Variants in HERC2 observed in about 807,000 individuals in gnomAD.
HERC2 encodes the protein HECT and RLD domain containing E3 ubiquitin protein ligase 2, also known as E3 ubiquitin-protein ligase HERC2.
In HERC2, 102 loss-of-function variants were observed where a neutral mutation model predicts 537.7. That is an observed-to-expected ratio of 0.19 (90% CI 0.16 to 0.22). The LOEUF is 0.22. HERC2 is among the 10% of genes least tolerant of loss of function. HERC2 has a pLI of 1.00. For missense variants in HERC2, 4,236 were observed against 6,198.2 expected, an observed-to-expected ratio of 0.68 and a Z score of 10.63; for synonymous variants, 2,224 against 2,466.2, an observed-to-expected ratio of 0.90 and a Z score of 2.91.
intron 26 of HERC2, 97 bp downstream of exon 26, chr15:28,236,866 G>C: frequency 1.1e-6 from 1 of 899,950 alleles, no homozygotes; most frequent in Non-Finnish European, 1.8e-6. Context: ...GGGATTACAG[G>C]CATGAACCAC....
Position 28,265,686 on chromosome 15 carries a change from T to G in HERC2, c.1802A>C (p.Lys601Thr), listed in dbSNP as rs764734065. Residue 601 changes from lysine to threonine, a missense_variant, in exon 14 of 93, where the codon AAA becomes ACA. By Grantham distance (78) the Lys-to-Thr change is moderately conservative. Coordinates refer to ENST00000261609, the MANE Select transcript of HERC2 (RefSeq NM_004667.6). The surrounding 1 kb of genome is among the most constrained non-coding windows in gnomAD (Gnocchi z 4.0). ...CGCCACATCGATGACCTTCAGTCCT[T>G]TAAGCCCGGCTACCAGCATCGGAAT... ...EAIPMLVAGL[K>T]GLKVIDVACG... 6.2e-7 allele frequency: 1 copy of G among 1,614,176 alleles called. No individual in the cohort carries two copies. Among genetic ancestry groups the G allele is most frequent in the Non-Finnish European group, 8.5e-7 (1 of 1,180,026 alleles).
chr15:28,244,503 A>G (rs757066571), intron 23 of HERC2, among the ~76,000 whole-genome samples: 2 of 152,166 alleles, frequency 1.3e-5, no homozygotes, highest in Admixed American at 1.3e-4. Context: ...GGGTCCTGCC[A>G]CCATCCAGGC....
rs538145487 is a variant in HERC2 at position 28,143,314 on chromosome 15, A to C, written c.11419-362T>G. Among the ~76,000 whole-genome samples the C allele has an allele frequency of 3.0e-3, 453 of 152,318 alleles. 2 individuals are homozygous for C. The highest frequency in any genetic ancestry group is 0.01 in the African/African-American group (429 of 41,566). On this transcript the variant is annotated intron_variant, in intron 74 of 92. Transcript: ENST00000261609. ...GAGGCCAATCAGTTAGCCTCATTGT[A>C]AAGTCCAATCAACACAATCCTATGT...
intron 69 of HERC2, among the ~76,000 whole-genome samples, chr15:28,153,760 A>G (rs1566949664): frequency 1.3e-5 from 2 of 152,254 alleles, no homozygotes; most frequent in Non-Finnish European, 2.9e-5. Context: ...TTCATTTTAC[A>G]CCAAGACAAG....
At position 28,218,589 on chromosome 15, in the gene HERC2, C is replaced by T. The variant is rs763952916; in HGVS notation, c.5928G>A (p.Leu1976=). 2 of 1,597,454 alleles carry T rather than the reference C, an allele frequency of 1.3e-6. No individual in the cohort carries two copies. The highest frequency in any genetic ancestry group is 1.7e-6 in the Non-Finnish European group (2 of 1,179,038). The part of the protein sequence containing the change: ...STINLLQTLC[L]SAGVHAEIMQ... ...TGATCTCAGCATGAACTCCAGCAGA[C>T]AGACAAAGAGTCTGCAGTAAGTTAA... Residue 1976 remains leucine (L), a synonymous_variant, in exon 38 of 93, where the codon CTG becomes CTA. Coordinates refer to ENST00000261609, the MANE Select transcript of HERC2 (RefSeq NM_004667.6).
chr15:28,240,997 G>C (rs2140738493), intron 23 of HERC2, among the ~76,000 whole-genome samples: 1 of 152,168 alleles, frequency 6.6e-6, no homozygotes, highest in East Asian at 1.9e-4. Context: ...GACGTGTCTT[G>C]AATAGGACAC....
At chr15:28,303,170 G>A (rs1487178694) in intron 2 of HERC2, among the ~76,000 whole-genome samples, 1 of 152,146 alleles carries the variant, frequency 6.6e-6, no homozygotes, top group East Asian at 1.9e-4. Flanking sequence ...CCATTTTGAT[G>A]TGATTTTCGT....
chr15:28,275,396 G>A (rs1320825601), intron 5 of HERC2, among the ~76,000 whole-genome samples: 1 of 152,220 alleles, frequency 6.6e-6, no homozygotes. Flanking sequence ...GCCGCAGAGG[G>A]TAGCCTGGCT....
chr15:28,301,616 C>G (rs1440612139), intron 2 of HERC2, among the ~76,000 whole-genome samples: 1 of 141,942 alleles, frequency 7.0e-6, no homozygotes, highest in African/African-American at 2.6e-5. Flanking sequence ...GCGTATGCGA[C>G]AGAAGCTCCC....
chr15:28,165,843 T>TAC lies in HERC2; in HGVS notation c.10554+1842_10554+1843dup, dbSNP rs1298485974. On this transcript the variant is annotated intron_variant, in intron 68 of 92. Coordinates refer to ENST00000261609, the MANE Select transcript of HERC2 (RefSeq NM_004667.6). ...AAACTGATGTATGTACCTATTATGT[T>TAC]ACACACACACATATTCATTCTCTAG... is the stretch of plus-strand genomic sequence containing the variant. 2.6e-5 allele frequency among the ~76,000 whole-genome samples: 4 copies of TAC among 151,998 alleles called. No individual in the cohort carries two copies. The East Asian group carries it at 5.8e-4, about 22-fold the overall frequency.
chr15:28,162,181 T>G (rs186338370), intron 69 of HERC2, among the ~76,000 whole-genome samples: 162 of 152,042 alleles, frequency 1.1e-3, no homozygotes, highest in African/African-American at 3.8e-3. Flanking sequence ...AATACAAAAA[T>G]TAGCCAGGCA....
chr15:28,141,861 T>G lies in HERC2; in HGVS notation c.11701-15A>C, dbSNP rs768182300. ...TTCTTAGCCACCTAAACAAAATTAT[T>G]ATGATGTTACAAATCAAACACTTAT... is the stretch of plus-strand genomic sequence containing the variant. On this transcript the variant is annotated splice_polypyrimidine_tract_variant and intron_variant, in intron 76 of 92. Transcript: ENST00000261609. The G allele has an allele frequency of 4.4e-6, 7 of 1,575,068 alleles. No homozygotes were observed. The highest frequency in any genetic ancestry group is 3.3e-5 in the Admixed American group (2 of 59,830).
intron 56 of HERC2, among the ~76,000 whole-genome samples, chr15:28,184,534 A>T (rs1427573362): frequency 1.3e-5 from 2 of 152,154 alleles, no homozygotes; most frequent in Non-Finnish European, 2.9e-5. Flanking sequence ...AGCTCAAAAC[A>T]TTTTTGGTTA....
intron 72 of HERC2, among the ~76,000 whole-genome samples, 160 bp downstream of exon 72, chr15:28,144,513 T>A (rs770706557): frequency 4.6e-5 from 7 of 152,198 alleles, no homozygotes; most frequent in Admixed American, 2.0e-4. Flanking sequence ...CAGATCTGTG[T>A]TCTGTTCCAC....
rs1555431548 is a variant in HERC2 at position 28,224,166 on chromosome 15, C to CAGAG, written c.5465-1955_5465-1952dup. ...ACACACACCCACACACACACACACA[C>CAGAG]AGAGAGAGAGAGAAACAGACAGACA... On this transcript the variant is annotated intron_variant, in intron 35 of 92. Coordinates refer to ENST00000261609, the MANE Select transcript of HERC2 (RefSeq NM_004667.6). Among the ~76,000 whole-genome samples, 351 of 147,754 alleles carry CAGAG rather than the reference C, an allele frequency of 2.4e-3. 4 individuals carry two copies. The highest frequency in any genetic ancestry group is 8.5e-3 in the African/African-American group (332 of 38,842).
chr15:28,153,875 T>G lies in HERC2; in HGVS notation c.10747-1045A>C, dbSNP rs887331168. 1.8e-4 allele frequency among the ~76,000 whole-genome samples: 27 copies of G among 151,806 alleles called. 1 individual carries two copies. The highest frequency in any genetic ancestry group is 1.5e-5 in the Non-Finnish European group (1 of 67,954). On this transcript the variant is annotated intron_variant, in intron 69 of 92. Transcript: ENST00000261609. ...AATCCTAGAAGGCAACGGAGCCCGG[T>G]GGGAGGGGCGGGAATCAGGAACCAT...
Position 28,209,536 on chromosome 15 carries a change from A to G in HERC2, c.7069+1466T>C, listed in dbSNP as rs983490174. Reference sequence around the variant, plus strand: ...TTTTTTGTATTTTTAGTAGAGATGGAGTTTCACCGTGTTAGCCAGGATGGT... The same window carrying G: ...TTTTTTGTATTTTTAGTAGAGATGGGGTTTCACCGTGTTAGCCAGGATGGT... On this transcript the variant is annotated intron_variant, in intron 44 of 92. Coordinates refer to ENST00000261609, the MANE Select transcript of HERC2 (RefSeq NM_004667.6). 7.5e-4 allele frequency among the ~76,000 whole-genome samples: 114 copies of G among 151,914 alleles called. 1 individual carries two copies. The highest frequency in any genetic ancestry group is 1.2e-3 in the Admixed American group (19 of 15,266).
In HERC2 at chr15:28,174,447, G is replaced by A. The variant is rs146504253; in HGVS notation, c.10005C>T (p.His3335=). The change falls in exon 65 of 93, where the codon CAC becomes CAT. Residue 3335 remains histidine, a synonymous_variant. Transcript: ENST00000261609. ...TTVDVATPSV[H]EPVLFQTARD... ...TTGCAGTCTGGAAGAGGACGGGCTC[G>A]TGGACAGAGGGCGTGGCCACATCCA... The A allele has an allele frequency of 2.3e-4, 376 of 1,613,282 alleles. 1 individual carries two copies. The highest frequency in any genetic ancestry group is 2.0e-3 in the African/African-American group (149 of 74,872).
intron 70 of HERC2, among the ~76,000 whole-genome samples, chr15:28,151,522 T>C (rs1007764934): frequency 1.3e-5 from 2 of 151,920 alleles, no homozygotes; most frequent in Non-Finnish European, 1.5e-5. Context: ...GGAAAAAATT[T>C]TTAAGTATCA....
Sources: allele counts gnomAD v4.1 joint callset (sites outside exome capture counted in the v4.1 genomes callset), GRCh38; gene constraint gnomAD v4.1.1; non-coding constraint Gnocchi (gnomAD v3.1); transcripts MANE v1.5; gene names NCBI Gene and HGNC (gene_info 2026-07-23, HGNC 2026-07-21).